ZFPM2: variants seen among roughly 807,000 people sequenced by gnomAD.
The protein encoded by ZFPM2 is zinc finger protein, FOG family member 2, also known as zinc finger protein ZFPM2.
In ZFPM2, 20 loss-of-function variants were observed where a neutral mutation model predicts 98.6. That is an observed-to-expected ratio of 0.20 (90% CI 0.14 to 0.29). ZFPM2 has a LOEUF of 0.29. ZFPM2 is among the 10% of genes least tolerant of loss of function. The pLI is 1.00. For synonymous variants in ZFPM2, 518 were observed against 502.7 expected (o/e 1.03, Z -0.41); for missense variants, 1,310 against 1,388.6 (o/e 0.94, Z 0.90).
intron 5 of ZFPM2, among the ~76,000 whole-genome samples, chr8:105,676,508 A>G (rs1457066118): frequency 6.6e-6 from 1 of 152,146 alleles, no homozygotes; most frequent in Non-Finnish European, 1.5e-5. Context: ...TGGAACAAAC[A>G]ATATATAGTA....
At chr8:105,731,257 TCTC>T (rs1307499843) in intron 5 of ZFPM2, among the ~76,000 whole-genome samples, 1 of 151,462 alleles carries the variant, frequency 6.6e-6, no homozygotes, top group African/African-American at 2.4e-5. Context: ...TGAAACCACT[TCTC>T]CTTTTTCCAC....
At chr8:105,552,272 C>T (rs1156396003) in intron 3 of ZFPM2, among the ~76,000 whole-genome samples, 1 of 152,144 alleles carries the variant, frequency 6.6e-6, no homozygotes, top group Non-Finnish European at 1.5e-5. Context: ...TGACTTTTAG[C>T]TGCTGCACAT....
chr8:105,461,306 A>G (rs960043857), intron 3 of ZFPM2, among the ~76,000 whole-genome samples: 7 of 152,308 alleles, frequency 4.6e-5, no homozygotes, highest in Non-Finnish European at 7.4e-5. Flanking sequence ...ATTCAAATAC[A>G]GTAAAATGAA....
At position 105,801,690 on chromosome 8, in the gene ZFPM2, T is replaced by C; in HGVS notation, c.1608T>C (p.Pro536=). The C allele has an allele frequency of 3.1e-6, 5 of 1,613,744 alleles. No individual in the cohort carries two copies. In the South Asian group the frequency reaches 5.5e-5, roughly 18 times the overall value. ...TGAGGCATGGCAGTAGTAGCTACCCTCCCGTCATTTACAGCCCTTTGATGC... is the reference window on the plus strand; with the variant it reads ...TGAGGCATGGCAGTAGTAGCTACCCCCCCGTCATTTACAGCCCTTTGATGC... ...RRLRHGSSSY[P]PVIYSPLMPK... is the part of the protein sequence containing the mutation. Residue 536 remains proline (P), a synonymous_variant, in exon 8 of 8, where the codon CCT becomes CCC. Coordinates refer to ENST00000407775, the MANE Select transcript of ZFPM2 (RefSeq NM_012082.4).
intron 1 of ZFPM2, among the ~76,000 whole-genome samples, chr8:105,338,135 T>C (rs890235743): frequency 2.0e-5 from 3 of 151,818 alleles, no homozygotes; most frequent in African/African-American, 7.2e-5. Context: ...TGATATCCCA[T>C]GATGTTATTA....
intron 3 of ZFPM2, among the ~76,000 whole-genome samples, chr8:105,459,396 G>GT: frequency 6.6e-6 from 1 of 152,210 alleles, no homozygotes; most frequent in South Asian, 2.1e-4. Context: ...CTGGAAGGAG[G>GT]TAAGAGACTG....
chr8:105,708,833 T>C (rs1310259930), intron 5 of ZFPM2, among the ~76,000 whole-genome samples: 6 of 152,160 alleles, frequency 3.9e-5, no homozygotes, highest in African/African-American at 1.2e-4. Flanking sequence ...ACCCATTATT[T>C]TGGCAAATAA....
chr8:105,540,039 TCCA>T (rs1814542780), intron 3 of ZFPM2, among the ~76,000 whole-genome samples: 1 of 152,162 alleles, frequency 6.6e-6, no homozygotes, highest in Non-Finnish European at 1.5e-5. Context: ...GATTATTATA[TCCA>T]GATCCTTTGT....
chr8:105,510,957 G>T (rs10094510), intron 3 of ZFPM2, among the ~76,000 whole-genome samples: 1 of 152,186 alleles, frequency 6.6e-6, no homozygotes, highest in African/African-American at 2.4e-5. Context: ...TCACTTCAGA[G>T]TGCTTGGGTA....
intron 5 of ZFPM2, among the ~76,000 whole-genome samples, chr8:105,774,617 T>TA (rs1813056588): frequency 6.6e-6 from 1 of 152,192 alleles, no homozygotes; most frequent in Non-Finnish European, 1.5e-5. Flanking sequence ...TTGTGGTTTG[T>TA]AAAAATAAGT....
At chr8:105,533,989 C>T (rs1455297779) in intron 3 of ZFPM2, among the ~76,000 whole-genome samples, 1 of 38,468 alleles carries the variant, frequency 2.6e-5, no homozygotes, top group African/African-American at 1.5e-4. Context: ...CCCTCCTTCC[C>T]TCCCTCTCTC....
intron 1 of ZFPM2, among the ~76,000 whole-genome samples, chr8:105,335,613 A>AT (rs1812312095): frequency 6.6e-6 from 1 of 151,788 alleles, no homozygotes; most frequent in Non-Finnish European, 1.5e-5. Context: ...CCTGGCTCCC[A>AT]TGTGGCCAGC....
chr8:105,532,075 A>AT (rs1312658797), intron 3 of ZFPM2, among the ~76,000 whole-genome samples: 2 of 151,412 alleles, frequency 1.3e-5, no homozygotes, highest in African/African-American at 2.4e-5. Flanking sequence ...TAATTTTTCT[A>AT]TTTTTTTGTA....
intron 1 of ZFPM2, among the ~76,000 whole-genome samples, chr8:105,413,288 A>C (rs72671681): frequency 0.03 from 4,574 of 151,948 alleles, 105 homozygotes; most frequent in Middle Eastern, 0.12. Context: ...TAGCAAGTTT[A>C]AAATGAAAAG....
intron 4 of ZFPM2, among the ~76,000 whole-genome samples, chr8:105,606,164 G>A (rs921427117): frequency 6.6e-6 from 1 of 151,998 alleles, no homozygotes; most frequent in Non-Finnish European, 1.5e-5. Context: ...TATTGTGTTT[G>A]TGTGTATGTG....
intron 4 of ZFPM2, among the ~76,000 whole-genome samples, chr8:105,608,421 C>G (rs752767390): frequency 2.6e-5 from 4 of 152,090 alleles, no homozygotes; most frequent in Non-Finnish European, 5.9e-5. Context: ...GCAATTATTA[C>G]TCCCTGTAAG....
intron 3 of ZFPM2, among the ~76,000 whole-genome samples, chr8:105,510,957 G>A (rs10094510): frequency 0.29 from 44,255 of 152,138 alleles, 6,626 homozygotes; most frequent in African/African-American, 0.36. Flanking sequence ...TCACTTCAGA[G>A]TGCTTGGGTA....
intron 5 of ZFPM2, among the ~76,000 whole-genome samples, chr8:105,735,675 C>T (rs1234068145): frequency 6.6e-6 from 1 of 151,744 alleles, no homozygotes; most frequent in Non-Finnish European, 1.5e-5. Context: ...TTTTAAATGC[C>T]GCTGTTATAA....
chr8:105,424,294 G>C (rs986414164), intron 2 of ZFPM2, among the ~76,000 whole-genome samples: 10 of 152,136 alleles, frequency 6.6e-5, no homozygotes, highest in African/African-American at 1.9e-4. Context: ...AAGGGAAAAT[G>C]ATGCTATCAA....
Sources: allele counts gnomAD v4.1 joint callset (sites outside exome capture counted in the v4.1 genomes callset), GRCh38; gene constraint gnomAD v4.1.1; transcripts MANE v1.5; gene names NCBI Gene and HGNC (gene_info 2026-07-23, HGNC 2026-07-21).